The following GRIP1 variants were observed in gnomAD, a reference collection of about 807,000 sequenced individuals.
GRIP1 encodes glutamate receptor-interacting protein 1.
A neutral mutation model predicts 129.9 loss-of-function variants in GRIP1; 45 were observed. The ratio of observed to expected loss-of-function variants is 0.35; its 90% CI spans 0.27 to 0.44. The LOEUF is 0.44. Among genes scored for constraint, GRIP1 ranks in the 20% least tolerant of loss-of-function variants. The pLI is 1.00. For synonymous variants in GRIP1, 530 were observed against 520.8 expected, an observed-to-expected ratio of 1.02 and a Z score of -0.24; for missense variants, 1,196 against 1,396.8, an observed-to-expected ratio of 0.86 and a Z score of 2.29.
chr12:66,822,018 G>GTGTGTA (rs2039329618), intron 1 of GRIP1, among the ~76,000 whole-genome samples: 1 of 151,954 alleles, frequency 6.6e-6, no homozygotes, highest in South Asian at 2.1e-4. Context: ...GTGTGTGTGT[G>GTGTGTA]TGTGTATGTG....
intron 1 of GRIP1, among the ~76,000 whole-genome samples, chr12:66,758,707 A>C (rs2037377311): frequency 1.3e-5 from 2 of 152,340 alleles, no homozygotes; most frequent in Middle Eastern, 6.8e-3. Context: ...AGCCATTCCA[A>C]ATGGGAGAAA....
intron 1 of GRIP1, among the ~76,000 whole-genome samples, chr12:66,969,242 T>G (rs1434131765): frequency 1.3e-5 from 2 of 152,202 alleles, no homozygotes; most frequent in Non-Finnish European, 2.9e-5. Context: ...GATCTGAATT[T>G]AGGTTAGATG....
At chr12:66,428,185 T>TCA (rs991748571) in intron 14 of GRIP1, among the ~76,000 whole-genome samples, 2 of 152,078 alleles carry the variant, frequency 1.3e-5, no homozygotes, top group African/African-American at 4.8e-5. Context: ...CCACTCATCA[T>TCA]CACACACACA....
intron 1 of GRIP1, among the ~76,000 whole-genome samples, chr12:66,949,296 T>C (rs1419372057): frequency 6.6e-6 from 1 of 152,220 alleles, no homozygotes; most frequent in Non-Finnish European, 1.5e-5. Context: ...ACCTGATTCC[T>C]AGAGAAAAAA....
intron 2 of GRIP1, among the ~76,000 whole-genome samples, chr12:66,559,626 G>T (rs927393990): frequency 6.6e-6 from 1 of 151,796 alleles, no homozygotes; most frequent in African/African-American, 2.4e-5. Flanking sequence ...GAAGTGAAAG[G>T]TCTTTACAAT....
intron 1 of GRIP1, among the ~76,000 whole-genome samples, chr12:66,772,155 T>C (rs1308260553): frequency 1.3e-5 from 2 of 152,210 alleles, no homozygotes; most frequent in Non-Finnish European, 2.9e-5. Context: ...TGATTTCAGT[T>C]ATTTGTCCAA....
chr12:67,054,147 C>G (rs2043393464), intron 1 of GRIP1, among the ~76,000 whole-genome samples: 1 of 152,176 alleles, frequency 6.6e-6, no homozygotes, highest in Non-Finnish European at 1.5e-5. Flanking sequence ...CCCCTGAAAT[C>G]AAGATGCTTA....
intron 1 of GRIP1, among the ~76,000 whole-genome samples, chr12:66,871,958 G>C (rs2040303800): frequency 6.6e-6 from 1 of 152,062 alleles, no homozygotes; most frequent in South Asian, 2.1e-4. Context: ...GTTGTGGCCA[G>C]CCAGACTTCT....
At chr12:66,787,852 C>T (rs556947980) in intron 1 of GRIP1, among the ~76,000 whole-genome samples, 1 of 152,256 alleles carries the variant, frequency 6.6e-6, no homozygotes, top group Non-Finnish European at 1.5e-5. Context: ...TGAGTTAGAA[C>T]AGGTAGGGAC....
In GRIP1 at chr12:66,557,855, CA is replaced by C. The variant is rs576008611; in HGVS notation, c.137-15906del. 1.8e-3 allele frequency among the ~76,000 whole-genome samples: 274 copies of C among 152,078 alleles called. 1 individual carries two copies. The highest frequency in any genetic ancestry group is 5.8e-3 in the African/African-American group (242 of 41,520). Reference sequence around the variant, plus strand: ...GAAGTTATAGCTATTAATACTACATCAAAAAATAGAAAACCTTCAAATAAAC... The same window carrying C: ...GAAGTTATAGCTATTAATACTACATCAAAAATAGAAAACCTTCAAATAAAC... On this transcript the variant is annotated intron_variant, in intron 2 of 24. Transcript: ENST00000359742.
At chr12:66,878,637 A>G (rs1320538738) in intron 1 of GRIP1, among the ~76,000 whole-genome samples, 1 of 152,128 alleles carries the variant, frequency 6.6e-6, no homozygotes, top group African/African-American at 2.4e-5. Flanking sequence ...CAAAGCACCT[A>G]CTATGTATCA....
intron 1 of GRIP1, among the ~76,000 whole-genome samples, chr12:66,689,890 T>C (rs985330405): frequency 1.3e-5 from 2 of 152,106 alleles, no homozygotes; most frequent in Non-Finnish European, 2.9e-5. Context: ...TTTAATGTAT[T>C]GTAATTTTAA....
intron 1 of GRIP1, among the ~76,000 whole-genome samples, chr12:66,628,980 C>T (rs190669703): frequency 7.7e-4 from 117 of 152,356 alleles, no homozygotes; most frequent in Non-Finnish European, 1.2e-3. Flanking sequence ...CAAGTAGTAG[C>T]TACTCAACAA....
rs2043646838 is a variant in GRIP1 at position 67,067,323 on chromosome 12, T to C, written c.58+1727A>G. Among the ~76,000 whole-genome samples, 5 of 152,300 alleles carry C rather than the reference T, an allele frequency of 3.3e-5. No homozygotes were observed. The South Asian group carries it at 1.0e-3, about 32-fold the overall frequency. Reference sequence around the variant, plus strand: ...AAATCTACCCACTTCAGCATTCTGATAAAACTTGTCGGAAGCATGGTGATT... The same window carrying C: ...AAATCTACCCACTTCAGCATTCTGACAAAACTTGTCGGAAGCATGGTGATT... On this transcript the variant is annotated intron_variant, in intron 1 of 1. Coordinates refer to the GRIP1 transcript ENST00000643019.
intron 1 of GRIP1, among the ~76,000 whole-genome samples, chr12:66,627,753 C>T (rs1338421858): frequency 6.6e-6 from 1 of 152,042 alleles, no homozygotes; most frequent in African/African-American, 2.4e-5. Context: ...GGAGTCATTC[C>T]CTCAGACATA....
At chr12:66,424,340 T>G (rs1264648766) in intron 14 of GRIP1, among the ~76,000 whole-genome samples, 1 of 152,238 alleles carries the variant, frequency 6.6e-6, no homozygotes, top group East Asian at 1.9e-4. Context: ...TATACATGCA[T>G]ACAATTTAAA....
chr12:67,044,023 A>G (rs1345837992), intron 1 of GRIP1, among the ~76,000 whole-genome samples: 1 of 152,138 alleles, frequency 6.6e-6, no homozygotes, highest in Non-Finnish European at 1.5e-5. Flanking sequence ...CCCTGAGAGA[A>G]CCTTTTATAA....
intron 1 of GRIP1, among the ~76,000 whole-genome samples, chr12:66,816,573 C>A (rs1420015868): frequency 6.6e-6 from 1 of 152,124 alleles, no homozygotes; most frequent in Admixed American, 6.5e-5. Flanking sequence ...TGTAACCAAC[C>A]TTATGTAAGT....
chr12:66,969,884 G>A (rs1365537382), intron 1 of GRIP1, among the ~76,000 whole-genome samples: 1 of 152,012 alleles, frequency 6.6e-6, no homozygotes, highest in African/African-American at 2.4e-5. Flanking sequence ...TTTTCCTTTT[G>A]ATCTTTTCTT....
Sources: allele counts gnomAD v4.1 joint callset (sites outside exome capture counted in the v4.1 genomes callset), GRCh38; gene constraint gnomAD v4.1.1; transcripts MANE v1.5; gene names NCBI Gene and HGNC (gene_info 2026-07-23, HGNC 2026-07-21).